ABR: variants seen among roughly 807,000 people sequenced by gnomAD.
ABR encodes the protein ABR activator of RhoGEF and GTPase, also known as active breakpoint cluster region-related protein.
A neutral mutation model predicts 107.2 loss-of-function variants in ABR; 35 were observed. The ratio of observed to expected loss-of-function variants is 0.33; its 90% confidence interval spans 0.25 to 0.43. ABR has a LOEUF of 0.43. ABR is among the 20% of genes least tolerant of loss of function. ABR has a pLI of 1.00. For missense variants in ABR, 815 were observed against 1,115.2 expected (o/e 0.73, Z 3.83); for synonymous variants, 498 against 462.0 (o/e 1.08, Z -1.00).
chr17:1,018,125 C>T (rs2071314220), intron 16 of ABR, among the ~76,000 whole-genome samples: 1 of 152,022 alleles, frequency 6.6e-6, no homozygotes, highest in Middle Eastern at 3.2e-3. Context: ...TCACTGCAAG[C>T]TCCGCCTCCC....
intron 1 of ABR, among the ~76,000 whole-genome samples, chr17:1,172,949 C>A (rs1317818301): frequency 1.4e-5 from 1 of 71,892 alleles, no homozygotes; most frequent in African/African-American, 2.7e-5. Context: ...GCAGGTAATC[C>A]ACCCCCCCCA....
chr17:1,160,548 C>T lies in ABR; in HGVS notation c.61+19119G>A, dbSNP rs972286072. ...CATTCATTTTTCATTCATTCATTCA[C>T]TCACCAAACACTTCTCATGGTTCAG... On this transcript the variant is annotated intron_variant, in intron 1 of 22. Transcript: ENST00000302538. Among the ~76,000 whole-genome samples the T allele has an allele frequency of 2.0e-5, 3 of 152,350 alleles. No homozygotes were observed. The South Asian group carries it at 6.2e-4, about 32-fold the overall frequency.
chr17:1,181,678 C>T (rs1033897107), upstream of ABR, among the ~76,000 whole-genome samples: 7 of 152,166 alleles, frequency 4.6e-5, no homozygotes, highest in African/African-American at 1.2e-4. Context: ...ACCGCGAGGC[C>T]GGAGGAGCCA....
At chr17:1,068,738 A>G (rs1471828866) in intron 9 of ABR, among the ~76,000 whole-genome samples, 1 of 152,046 alleles carries the variant, frequency 6.6e-6, no homozygotes, top group Non-Finnish European at 1.5e-5. Context: ...GGGTAGAGAG[A>G]AGGAGGCTCA....
chr17:1,144,432 G>GA (rs2040444097), intron 1 of ABR, among the ~76,000 whole-genome samples: 1 of 151,988 alleles, frequency 6.6e-6, no homozygotes, highest in Non-Finnish European at 1.5e-5. Context: ...TGGGTCCCGC[G>GA]TCCAGACCTA....
At chr17:1,181,630 G>C (rs78537061), upstream of ABR, among the ~76,000 whole-genome samples, 17 of 152,330 alleles carry the variant, frequency 1.1e-4, no homozygotes, top group East Asian at 3.3e-3. Flanking sequence ...CAGAAATAGA[G>C]CTTCGGCATG....
chr17:1,077,800 A>C (rs932139726), intron 6 of ABR, among the ~76,000 whole-genome samples: 7 of 152,290 alleles, frequency 4.6e-5, no homozygotes, highest in Admixed American at 3.9e-4. Context: ...GGTGGGAAGG[A>C]AGAGGAAGGT....
intron 16 of ABR, among the ~76,000 whole-genome samples, chr17:1,031,365 C>T (rs1043905207): frequency 6.6e-5 from 10 of 152,186 alleles, no homozygotes; most frequent in South Asian, 2.1e-4. Context: ...AACCTCCCTT[C>T]TCCCGAGGCA....
chr17:1,079,650 G>A (rs1306364168), intron 5 of ABR, among the ~76,000 whole-genome samples: 1 of 151,918 alleles, frequency 6.6e-6, no homozygotes, highest in East Asian at 1.9e-4. Context: ...TTAGCCAGGT[G>A]TGGTGTCAGG....
intron 2 of ABR, among the ~76,000 whole-genome samples, chr17:1,106,972 A>C (rs993853007): frequency 6.6e-6 from 1 of 152,166 alleles, no homozygotes; most frequent in Admixed American, 6.5e-5. Context: ...CTAACCTGAG[A>C]GTGTTTGTTG....
intron 2 of ABR, among the ~76,000 whole-genome samples, chr17:1,123,535 C>G (rs1179954350): frequency 1.3e-5 from 2 of 152,176 alleles, no homozygotes; most frequent in Non-Finnish European, 2.9e-5. Context: ...GACACGGAAA[C>G]CAGTCATGGT....
intron 16 of ABR, among the ~76,000 whole-genome samples, chr17:1,047,234 C>T (rs892997452): frequency 3.3e-5 from 5 of 152,276 alleles, no homozygotes; most frequent in African/African-American, 1.2e-4. Flanking sequence ...GTCCTCAGCG[C>T]CTGCTGGCGG....
chr17:1,108,080 T>G (rs1435137039), intron 2 of ABR, among the ~76,000 whole-genome samples: 1 of 152,236 alleles, frequency 6.6e-6, no homozygotes, highest in Non-Finnish European at 1.5e-5. Context: ...CAGCCTCGCC[T>G]AGCAGTCTGC....
chr17:1,127,582 CCCCT>C (rs2039653608), intron 1 of ABR, among the ~76,000 whole-genome samples: 1 of 152,206 alleles, frequency 6.6e-6, no homozygotes, highest in South Asian at 2.1e-4. Flanking sequence ...CTCCCGCCGG[CCCCT>C]CCCTCCTCCC....
At chr17:1,180,955 G>A (rs1173942896), upstream of ABR, among the ~76,000 whole-genome samples, 1 of 152,152 alleles carries the variant, frequency 6.6e-6, no homozygotes, top group African/African-American at 2.4e-5. Context: ...GCCCCTTCCT[G>A]AACCCAGGGA....
At chr17:1,135,377 C>CTTT (rs71148437) in intron 1 of ABR, among the ~76,000 whole-genome samples, 2,123 of 51,336 alleles carry the variant, frequency 0.041, 72 homozygotes, top group African/African-American at 0.084. Flanking sequence ...TTCTTTTTGT[C>CTTT]TTTTTTTTTT....
chr17:1,147,055 G>A (rs751347044), intron 1 of ABR, among the ~76,000 whole-genome samples: 1 of 152,260 alleles, frequency 6.6e-6, no homozygotes, highest in Non-Finnish European at 1.5e-5. Context: ...AGGCCGTACT[G>A]TCTGGCCACT....
chr17:1,197,390 G>A (rs1439001980), intron 1 of ABR, among the ~76,000 whole-genome samples: 1 of 151,444 alleles, frequency 6.6e-6, no homozygotes, highest in Non-Finnish European at 1.5e-5. Flanking sequence ...CCCATTTTTG[G>A]TCTGAGAGGT....
intron 16 of ABR, among the ~76,000 whole-genome samples, chr17:1,019,969 C>T (rs985835839): frequency 1.3e-5 from 2 of 152,230 alleles, no homozygotes; most frequent in Non-Finnish European, 2.9e-5. Context: ...AGGTGGGCCA[C>T]AGGCAGGAGA....
Sources: gnomAD v4.1 joint callset for allele counts (sites outside exome capture counted in the v4.1 genomes callset) on GRCh38, gnomAD v4.1.1 for gene constraint, MANE v1.5 for transcripts, NCBI Gene and HGNC (gene_info 2026-07-23, HGNC 2026-07-21) for gene names.